Variants in SEMA3D observed in about 807,000 individuals in gnomAD.
SEMA3D encodes the protein semaphorin-3D.
In SEMA3D, 84 loss-of-function variants were observed where a neutral mutation model predicts 100.1. The ratio of observed to expected loss-of-function variants is 0.84; its 90% CI spans 0.70 to 1.01. SEMA3D has a LOEUF of 1.01. SEMA3D is among the 50% of genes least tolerant of loss of function. The probability of loss-of-function intolerance (pLI) is 0.00; values close to 1 mark genes in which losing one functional copy is unlikely to be tolerated. For synonymous variants in SEMA3D, 312 were observed against 320.7 expected, an observed-to-expected ratio of 0.97 and a Z score of 0.29; for missense variants, 875 against 934.1, an observed-to-expected ratio of 0.94 and a Z score of 0.82.
chr7:85,249,390 C>A, the SEMA3D span, among the ~76,000 whole-genome samples: 1 of 152,016 alleles, frequency 6.6e-6, no homozygotes, highest in East Asian at 1.9e-4. Flanking sequence ...TGCATGGGAT[C>A]CTGGAATAGA....
chr7:85,202,739 A>G, the SEMA3D span, among the ~76,000 whole-genome samples: 1 of 152,192 alleles, frequency 6.6e-6, no homozygotes, highest in Non-Finnish European at 1.5e-5. Flanking sequence ...ACACATGAAA[A>G]AATGCTCAAC....
the SEMA3D span, among the ~76,000 whole-genome samples, chr7:85,202,183 T>C: frequency 6.7e-6 from 1 of 148,856 alleles, no homozygotes; most frequent in African/African-American, 2.5e-5. Context: ...GCATTAGGTA[T>C]ATCTCCCAGT....
At chr7:85,023,186 T>C (rs10253019) in intron 12 of SEMA3D, among the ~76,000 whole-genome samples, 88,000 of 151,636 alleles carry the variant, frequency 0.58, 26,352 homozygotes, top group East Asian at 0.73. Flanking sequence ...GCAAAGAAAC[T>C]GTTAGGGAAT....
intron 9 of SEMA3D, among the ~76,000 whole-genome samples, chr7:85,054,834 A>G (rs1791263579): frequency 6.6e-6 from 1 of 152,072 alleles, no homozygotes; most frequent in African/African-American, 2.4e-5. Flanking sequence ...TTTTAAGAAA[A>G]GTTATTTCAG....
chr7:85,197,543 T>C, the SEMA3D span, among the ~76,000 whole-genome samples: 2 of 151,938 alleles, frequency 1.3e-5, no homozygotes, highest in African/African-American at 4.8e-5. Flanking sequence ...ATTTGATTGA[T>C]GTCTCATGTG....
intron 5 of SEMA3D, among the ~76,000 whole-genome samples, chr7:85,074,048 T>C (rs1791852087): frequency 6.6e-6 from 1 of 152,222 alleles, no homozygotes; most frequent in Admixed American, 6.5e-5. Context: ...AGTGATACTC[T>C]ATCTTTACAT....
intron 1 of SEMA3D, among the ~76,000 whole-genome samples, chr7:85,161,287 T>C (rs1384417198): frequency 6.6e-6 from 1 of 152,058 alleles, no homozygotes; most frequent in African/African-American, 2.4e-5. Context: ...TGGCTTACAG[T>C]GATTCTTTGT....
the SEMA3D span, among the ~76,000 whole-genome samples, chr7:85,203,768 A>C: frequency 6.6e-6 from 1 of 152,142 alleles, no homozygotes; most frequent in Admixed American, 6.6e-5. Context: ...CCTGACAAAG[A>C]AGCAAGGACT....
intron 4 of SEMA3D, among the ~76,000 whole-genome samples, chr7:85,093,730 C>T (rs1788469580): frequency 6.6e-6 from 1 of 151,962 alleles, no homozygotes; most frequent in Non-Finnish European, 1.5e-5. Context: ...AAGAAACACA[C>T]TACTTAGTGT....
At chr7:85,189,058 G>T (rs1791637817), upstream of SEMA3D, among the ~76,000 whole-genome samples, 1 of 152,090 alleles carries the variant, frequency 6.6e-6, no homozygotes, top group African/African-American at 2.4e-5. Flanking sequence ...AGAGTATCCT[G>T]AACATATCAT....
chr7:85,039,420 G>A (rs1452219339), intron 11 of SEMA3D, among the ~76,000 whole-genome samples: 1 of 152,040 alleles, frequency 6.6e-6, no homozygotes, highest in East Asian at 1.9e-4. Context: ...ACCACACCTG[G>A]CTAATTTTTT....
intron 12 of SEMA3D, chr7:85,028,336 T>A: frequency 1.5e-6 from 1 of 668,340 alleles, no homozygotes; most frequent in South Asian, 1.5e-5. Context: ...TCAATGTACT[T>A]GGAATTATCA....
chr7:85,037,165 C>A (rs1048297253), intron 11 of SEMA3D, 132 bp from the exon 12 acceptor site: 21 of 729,964 alleles, frequency 2.9e-5, no homozygotes, highest in Non-Finnish European at 4.3e-5. Flanking sequence ...ACTGTAGACA[C>A]AATGTGCCTA....
rs568342870 is a variant in SEMA3D, at chr7:85,046,576, C to A, written c.862-4291G>T. Among the ~76,000 whole-genome samples the A allele has an allele frequency of 2.0e-5, 3 of 152,084 alleles. No individual in the cohort carries two copies. The East Asian group carries it at 5.8e-4, about 29-fold the overall frequency. ...GCAAATACAGTTCCTGGGATAATAG[C>A]ACTCAGGAATGGATTATAAGCATTT... On this transcript the variant is annotated intron_variant, in intron 9 of 18. Transcript: ENST00000284136.
At chr7:85,177,536 C>T (rs1252970971) in intron 1 of SEMA3D, among the ~76,000 whole-genome samples, 1 of 152,000 alleles carries the variant, frequency 6.6e-6, no homozygotes, top group Non-Finnish European at 1.5e-5. Flanking sequence ...GATGTTGTGT[C>T]TTGTCAATAT....
chr7:85,078,398 C>T (rs994360917), intron 5 of SEMA3D, among the ~76,000 whole-genome samples: 8 of 151,944 alleles, frequency 5.3e-5, no homozygotes, highest in African/African-American at 1.9e-4. Flanking sequence ...ACTGAAGTTC[C>T]GGAGGACGCT....
At chr7:85,107,027 A>T (rs1267993265) in intron 3 of SEMA3D, among the ~76,000 whole-genome samples, 3 of 151,946 alleles carry the variant, frequency 2.0e-5, no homozygotes, top group African/African-American at 7.3e-5. Flanking sequence ...AAGACTTTGA[A>T]TGTGTCTTCT....
intron 16 of SEMA3D, among the ~76,000 whole-genome samples, chr7:85,013,969 C>T (rs1034054232): frequency 6.6e-6 from 1 of 151,668 alleles, no homozygotes; most frequent in African/African-American, 2.4e-5. Flanking sequence ...AAGTTCTTGG[C>T]CAAAAACCAT....
chr7:85,063,534 T>C (rs1376116011), intron 8 of SEMA3D, among the ~76,000 whole-genome samples: 2 of 152,224 alleles, frequency 1.3e-5, no homozygotes, highest in Non-Finnish European at 2.9e-5. Context: ...TCTTGAGCTC[T>C]GTCTCATGTC....
Sources: allele counts gnomAD v4.1 joint callset (sites outside exome capture counted in the v4.1 genomes callset), GRCh38; gene constraint gnomAD v4.1.1; transcripts MANE v1.5; gene names NCBI Gene and HGNC (gene_info 2026-07-23, HGNC 2026-07-21).